The following TENM3 variants were observed in gnomAD, a reference collection of about 807,000 sequenced individuals.
TENM3 encodes teneurin-3.
Under a neutral mutation model 255.1 loss-of-function variants are expected in TENM3, and 63 were observed. That is an observed-to-expected ratio of 0.25 (90% CI 0.20 to 0.30). TENM3 has a LOEUF of 0.30. Ranked by LOEUF, TENM3 falls within the 10% of genes least tolerant of loss-of-function variation. The pLI is 1.00. For synonymous variants in TENM3, 1,306 were observed against 1,322.3 expected (o/e 0.99, Z 0.27); for missense variants, 2,929 against 3,461.1 (o/e 0.85, Z 3.86).
the TENM3 span, among the ~76,000 whole-genome samples, chr4:181,634,732 T>C: frequency 6.6e-6 from 1 of 152,236 alleles, no homozygotes; most frequent in East Asian, 1.9e-4. Flanking sequence ...TATAGCCATT[T>C]CCTTAATGAA....
At chr4:182,667,174 T>TTTTTG (rs149236811) in intron 6 of TENM3, among the ~76,000 whole-genome samples, 55,689 of 149,932 alleles carry the variant, frequency 0.37, 10,960 homozygotes, top group South Asian at 0.52. Flanking sequence ...AGTTACCATT[T>TTTTTG]TTTTGTTTTG....
chr4:182,653,773 A>G lies in TENM3; in HGVS notation c.991A>G (p.Met331Val). The change falls in exon 6 of 28, where the codon ATG becomes GTG. Residue 331 changes from methionine to valine, a missense_variant and splice_region_variant. By Grantham distance (21) the Met-to-Val change is conservative (BLOSUM62 1). Around this residue, in one of 6 missense-constraint regions of TENM3, gnomAD observed 1,608 missense variants for 1,884.4 expected, o/e 0.85. Transcript: ENST00000511685. ...CAACTTGTGTTCTTTACCCCCAGCA[A>G]TGCATCTCTTTGGCCTCAACTGGCA... The part of the protein sequence containing the change: ...LAILLSYFIA[M>V]HLFGLNWQLQ... 7 of 1,609,630 alleles carry G rather than the reference A, an allele frequency of 4.3e-6. No individual in the cohort carries two copies. The highest frequency in any genetic ancestry group is 5.9e-6 in the Non-Finnish European group (7 of 1,177,958).
chr4:182,246,779 A>G (rs1239412529), intron 1 of TENM3, among the ~76,000 whole-genome samples: 1 of 152,202 alleles, frequency 6.6e-6, no homozygotes, highest in Non-Finnish European at 1.5e-5. Context: ...TTTGCCTTGC[A>G]TTATTGCAGA....
In TENM3 at chr4:182,800,094, G is replaced by A. The variant is rs762365565; in HGVS notation, c.7843G>A (p.Glu2615Lys). The A allele has an allele frequency of 8.2e-6, 13 of 1,585,096 alleles. No individual in the cohort carries two copies. The highest frequency in any genetic ancestry group is 7.7e-6 in the Non-Finnish European group (9 of 1,167,126). Residue 2615 changes from glutamate to lysine, a missense_variant, in exon 28 of 28, where the codon GAG (glutamate) becomes AAG (lysine). Glu to Lys is a moderately conservative substitution (Grantham distance 56). Coordinates refer to ENST00000511685, the MANE Select transcript of TENM3 (RefSeq NM_001080477.4). ...LHVRYGMTLD[E>K]EKARILEQAR... ...CGTGCGCTACGGCATGACCCTGGAC[G>A]AGGAGAAGGCGCGCATCCTGGAGCA...
chr4:182,133,272 T>C, the TENM3 span, among the ~76,000 whole-genome samples: 571 of 152,334 alleles, frequency 3.7e-3, 5 homozygotes, highest in African/African-American at 0.013. Flanking sequence ...TAATGCTTTA[T>C]GTTAAAAATT....
the TENM3 span, among the ~76,000 whole-genome samples, chr4:182,072,848 A>C: frequency 6.6e-6 from 1 of 152,208 alleles, no homozygotes; most frequent in African/African-American, 2.4e-5. Context: ...TGCTCCCCAA[A>C]ATTTGCATTT....
chr4:181,905,396 T>A, the TENM3 span, among the ~76,000 whole-genome samples: 4 of 152,082 alleles, frequency 2.6e-5, no homozygotes, highest in African/African-American at 9.7e-5. Flanking sequence ...GATTCATGAG[T>A]TCCAGCTGCT....
At chr4:181,733,577 A>G in the TENM3 span, among the ~76,000 whole-genome samples, 1 of 152,144 alleles carries the variant, frequency 6.6e-6, no homozygotes. Context: ...CCAGATGTCC[A>G]TTTCATCTGG....
At chr4:182,582,975 A>G (rs182212133) in intron 3 of TENM3, among the ~76,000 whole-genome samples, 1 of 152,330 alleles carries the variant, frequency 6.6e-6, no homozygotes, top group East Asian at 1.9e-4. Flanking sequence ...CTCTAATTTT[A>G]AATGTGCAGT....
intron 1 of TENM3, among the ~76,000 whole-genome samples, chr4:182,273,530 C>T (rs1335218202): frequency 2.6e-5 from 4 of 152,194 alleles, no homozygotes; most frequent in Non-Finnish European, 4.4e-5. Flanking sequence ...CTGCTTTGTT[C>T]CTTTTTGGCC....
the TENM3 span, among the ~76,000 whole-genome samples, chr4:181,503,637 A>C: frequency 6.6e-5 from 10 of 152,148 alleles, no homozygotes; most frequent in Admixed American, 3.3e-4. Flanking sequence ...CCTCAGGCAG[A>C]GGATGGGGAG....
At chr4:182,124,434 G>A in the TENM3 span, among the ~76,000 whole-genome samples, 4 of 152,206 alleles carry the variant, frequency 2.6e-5, no homozygotes, top group Non-Finnish European at 4.4e-5. Context: ...GGGAAAGAGA[G>A]ATCTGAACTG....
At chr4:181,656,484 T>A in the TENM3 span, among the ~76,000 whole-genome samples, 1 of 152,070 alleles carries the variant, frequency 6.6e-6, no homozygotes, top group Non-Finnish European at 1.5e-5. Context: ...GAAAATAGAA[T>A]AGGCAATGGT....
At chr4:181,803,479 G>A in the TENM3 span, among the ~76,000 whole-genome samples, 1 of 152,136 alleles carries the variant, frequency 6.6e-6, no homozygotes, top group Admixed American at 6.6e-5. Flanking sequence ...TTTTACCTGA[G>A]GTGACCTCAC....
At chr4:181,921,517 A>C in the TENM3 span, among the ~76,000 whole-genome samples, 19 of 152,290 alleles carry the variant, frequency 1.2e-4, 1 homozygote, top group Admixed American at 9.8e-4. Context: ...GAGTTCCCTC[A>C]TGATTTGGCT....
At chr4:182,169,200 G>T in intron 1 of TENM3, 1 of 459,256 alleles carries the variant, frequency 2.2e-6, no homozygotes, top group Non-Finnish European at 4.5e-6. Context: ...CATAAACCAA[G>T]TGATTTTTGA....
intron 3 of TENM3, among the ~76,000 whole-genome samples, chr4:182,474,263 C>T (rs567381038): frequency 6.6e-6 from 1 of 152,262 alleles, no homozygotes; most frequent in African/African-American, 2.4e-5. Flanking sequence ...ATAGATGGTA[C>T]ATTTTTATGT....
chr4:181,493,069 A>T, the TENM3 span, among the ~76,000 whole-genome samples: 1 of 152,016 alleles, frequency 6.6e-6, no homozygotes, highest in Admixed American at 6.6e-5. Flanking sequence ...AGGTTTTGGC[A>T]CCAGGGAGAT....
chr4:181,647,935 C>A, the TENM3 span, among the ~76,000 whole-genome samples: 1 of 152,006 alleles, frequency 6.6e-6, no homozygotes, highest in African/African-American at 2.4e-5. Flanking sequence ...GGTTTGAGAA[C>A]AGGATTCCAC....
Sources: gnomAD v4.1 joint callset for allele counts (sites outside exome capture counted in the v4.1 genomes callset) on GRCh38, gnomAD v4.1.1 for gene constraint, gnomAD v4.1.1 regional missense constraint, MANE v1.5 for transcripts, NCBI Gene and HGNC (gene_info 2026-07-23, HGNC 2026-07-21) for gene names.